Variants in TNNT3 observed in about 807,000 individuals in gnomAD.
TNNT3 encodes the protein troponin T3, fast skeletal type.
In TNNT3, 36 loss-of-function variants were observed where a neutral mutation model predicts 54.2. The observed-to-expected ratio is 0.66, with a 90% CI of 0.51 to 0.88. The LOEUF (loss-of-function observed/expected upper bound fraction) is 0.88, where lower values mean the gene tolerates loss of function less well. TNNT3 is among the 40% of genes least tolerant of loss of function. TNNT3 has a pLI of 0.00. For synonymous variants in TNNT3, 120 were observed against 109.7 expected (o/e 1.09, Z -0.59); for missense variants, 291 against 331.6 (o/e 0.88, Z 0.95).
At chr11:1,923,201 C>T (rs916369939) in intron 3 of TNNT3, 140 bp downstream of exon 3, 53 of 1,260,980 alleles carry the variant, frequency 4.2e-5, no homozygotes, top group Non-Finnish European at 6.0e-5. Context: ...TTCTGAGTGA[C>T]CCCCGGAAAA....
At chr11:1,923,663 G>A in intron 4 of TNNT3, 91 bp downstream of exon 4, 2 of 874,158 alleles carry the variant, frequency 2.3e-6, no homozygotes, top group South Asian at 2.7e-5. Context: ...CCCCTCCCCA[G>A]GCTGCTCCAG....
In TNNT3 at chr11:1,934,437, C is replaced by T. The variant is rs769319448; in HGVS notation, c.472C>T (p.Leu158=). The T allele has an allele frequency of 4.3e-6, 7 of 1,613,562 alleles. No homozygotes were observed. Among genetic ancestry groups the T allele is most frequent in the Non-Finnish European group, 5.1e-6 (6 of 1,179,982 alleles). The change falls in exon 12 of 16, where the codon CTG becomes TTG. Residue 158 remains leucine, a synonymous_variant. Coordinates refer to ENST00000278317, the MANE Select transcript of TNNT3 (RefSeq NM_006757.4). The part of the protein sequence containing the change: ...SSMGANYSSY[L]AKADQKRGKK... ...CATGGGAGCCAACTACAGCAGCTAC[C>T]TGGCCAAGGTGTGTGCCGCTGCTGG... is the stretch of plus-strand genomic sequence containing the variant.
chr11:1,931,874 T>C (rs973464895), intron 8 of TNNT3, among the ~76,000 whole-genome samples: 11 of 152,154 alleles, frequency 7.2e-5, no homozygotes, highest in African/African-American at 2.4e-4. Flanking sequence ...TCTTCTATGG[T>C]TTGTTGGAAA....
chr11:1,938,356 G>C (rs1855756777), intron 15 of TNNT3, 82 bp from the exon 16 acceptor site: 1 of 1,504,596 alleles, frequency 6.6e-7, no homozygotes, highest in East Asian at 2.3e-5. Flanking sequence ...GGGTCGGGCT[G>C]AGAGTCCGCC....
chr11:1,925,421 C>G (rs1851302490), intron 5 of TNNT3: 1 of 876,470 alleles, frequency 1.1e-6, no homozygotes, highest in Non-Finnish European at 1.8e-6. Context: ...CCTAATGTAA[C>G]CCACTAACCG....
Position 1,927,635 on chromosome 11 carries a change from C to T in TNNT3, c.82+926C>T, listed in dbSNP as rs573512181. On this transcript the variant is annotated intron_variant, in intron 6 of 15. Coordinates refer to ENST00000278317, the MANE Select transcript of TNNT3 (RefSeq NM_006757.4). ...GCTCTGGAACCAGCACTGAGGCCAG[C>T]GGACAGACGGACAGCAGGGCAGGGT... Among the ~76,000 whole-genome samples, 11 of 152,286 alleles carry T rather than the reference C, an allele frequency of 7.2e-5. No individual in the cohort carries two copies. The South Asian group carries it at 1.5e-3, about 20-fold the overall frequency.
At chr11:1,927,473 G>A (rs767821786) in intron 6 of TNNT3, among the ~76,000 whole-genome samples, 38 of 152,158 alleles carry the variant, frequency 2.5e-4, no homozygotes, top group Non-Finnish European at 5.0e-4. Context: ...CCTCCCTGCC[G>A]GGCCTGAGCT....
intron 4 of TNNT3, among the ~76,000 whole-genome samples, chr11:1,924,196 CTG>C (rs1288730997): frequency 8.5e-5 from 13 of 152,204 alleles, no homozygotes; most frequent in African/African-American, 3.1e-4. Flanking sequence ...CTCTGTCTCT[CTG>C]TGTCTCCATC....
intron 6 of TNNT3, 108 bp from the exon 7 acceptor site, chr11:1,929,008 CGAGT>C: frequency 8.0e-7 from 1 of 1,247,830 alleles, no homozygotes; most frequent in Non-Finnish European, 1.2e-6. Flanking sequence ...AGAGAGTGTC[CGAGT>C]GAGAGGGGTG....
At chr11:1,929,226 G>A (rs972541176) in intron 7 of TNNT3, 83 bp downstream of exon 7, 12 of 1,495,090 alleles carry the variant, frequency 8.0e-6, no homozygotes, top group Admixed American at 1.7e-5. Context: ...GGGGTCTCTC[G>A]CTGCCCTGCC....
intron 4 of TNNT3, among the ~76,000 whole-genome samples, chr11:1,923,868 T>C (rs984045145): frequency 6.6e-6 from 1 of 151,564 alleles, no homozygotes; most frequent in Admixed American, 6.6e-5. Context: ...TCATCCTCCG[T>C]GTGCCATGGT....
intron 6 of TNNT3, among the ~76,000 whole-genome samples, chr11:1,928,676 A>G (rs1228443983): frequency 6.6e-6 from 1 of 152,102 alleles, no homozygotes; most frequent in Non-Finnish European, 1.5e-5. Flanking sequence ...CACAGCCTTT[A>G]CAGGCAGGGG....
intron 1 of TNNT3, among the ~76,000 whole-genome samples, chr11:1,920,068 G>T (rs926908611): frequency 6.6e-6 from 1 of 152,188 alleles, no homozygotes; most frequent in Non-Finnish European, 1.5e-5. Flanking sequence ...GTGCTAGGGA[G>T]TGGCCTGAGG....
chr11:1,929,696 G>A (rs1166224277), intron 7 of TNNT3, 114 bp from the exon 8 acceptor site: 30 of 1,176,060 alleles, frequency 2.6e-5, no homozygotes, highest in Admixed American at 7.9e-5. Flanking sequence ...AAAGGACGGT[G>A]GCCTTCAGTG....
chr11:1,925,533 G>A (rs1321060094), intron 5 of TNNT3, among the ~76,000 whole-genome samples: 1 of 152,130 alleles, frequency 6.6e-6, no homozygotes, highest in African/African-American at 2.4e-5. Context: ...GCAGGTGCAG[G>A]CTGGGCTGCT....
At chr11:1,926,795 G>A in intron 6 of TNNT3, 86 bp downstream of exon 6, 2 of 1,571,264 alleles carry the variant, frequency 1.3e-6, no homozygotes, top group South Asian at 1.1e-5. Context: ...CCCACCCCTT[G>A]TGACGTTTGC....
intron 14 of TNNT3, chr11:1,935,166 G>A (rs941149198): frequency 1.4e-5 from 8 of 586,284 alleles, no homozygotes; most frequent in South Asian, 5.8e-5. Flanking sequence ...CCCTTTGGGC[G>A]GCCTTGGTTA....
chr11:1,923,329 C>T (rs570686386), intron 3 of TNNT3, among the ~76,000 whole-genome samples: 45 of 152,194 alleles, frequency 3.0e-4, no homozygotes, highest in South Asian at 1.7e-3. Flanking sequence ...CACTGTGGGA[C>T]GTGGGCATCC....
At chr11:1,925,538 G>A (rs1851343411) in intron 5 of TNNT3, among the ~76,000 whole-genome samples, 2 of 151,922 alleles carry the variant, frequency 1.3e-5, no homozygotes, top group African/African-American at 4.8e-5. Context: ...TGCAGGCTGG[G>A]CTGCTGGTCA....
Sources: allele counts gnomAD v4.1 joint callset (sites outside exome capture counted in the v4.1 genomes callset), GRCh38; gene constraint gnomAD v4.1.1; transcripts MANE v1.5; gene names NCBI Gene and HGNC (gene_info 2026-07-23, HGNC 2026-07-21).